Variants in HMCN1 observed in about 807,000 individuals in gnomAD.
The protein encoded by HMCN1 is hemicentin 1.
HMCN1 carries 321 observed loss-of-function variants against 625.9 expected under a neutral mutation model. The observed-to-expected ratio is 0.51, with a 90% CI of 0.47 to 0.56. HMCN1 has a LOEUF of 0.56. Among genes scored for constraint, HMCN1 ranks in the 20% least tolerant of loss-of-function variants. The pLI is 0.00. For synonymous variants in HMCN1, 2,425 were observed against 2,417.6 expected, an observed-to-expected ratio of 1.00 and a Z score of -0.09; for missense variants, 6,588 against 6,887.3, an observed-to-expected ratio of 0.96 and a Z score of 1.54.
At chr1:185,946,303 T>C (rs1048284836) in intron 11 of HMCN1, among the ~76,000 whole-genome samples, 24 of 152,158 alleles carry the variant, frequency 1.6e-4, no homozygotes, top group African/African-American at 5.8e-4. Flanking sequence ...TCTGGGACTT[T>C]TACGTATTTA....
intron 105 of HMCN1, among the ~76,000 whole-genome samples, chr1:186,183,895 G>T (rs1020950285): frequency 6.6e-6 from 1 of 152,070 alleles, no homozygotes; most frequent in African/African-American, 2.4e-5. Context: ...TCCTGAAGGA[G>T]TGGCGATGCC....
chr1:185,985,337 A>G (rs1252642633), intron 19 of HMCN1, among the ~76,000 whole-genome samples: 4 of 152,228 alleles, frequency 2.6e-5, no homozygotes, highest in Non-Finnish European at 5.9e-5. Flanking sequence ...CAAGAAGACC[A>G]GACCATAGAT....
chr1:186,165,201 T>C, intron 98 of HMCN1, 28 bp downstream of exon 98: 3 of 1,587,400 alleles, frequency 1.9e-6, no homozygotes, highest in Non-Finnish European at 1.7e-6. Flanking sequence ...TAAAGGGTTT[T>C]CTTTTAATGA....
intron 43 of HMCN1, 74 bp downstream of exon 43, chr1:186,053,148 G>A (rs930450129): frequency 7.1e-7 from 1 of 1,408,212 alleles, no homozygotes; most frequent in Non-Finnish European, 1.0e-6. Context: ...TAATAAATGT[G>A]TTAGATTATA....
At chr1:185,757,647 T>G (rs1247322758) in intron 1 of HMCN1, among the ~76,000 whole-genome samples, 1 of 152,012 alleles carries the variant, frequency 6.6e-6, no homozygotes, top group Non-Finnish European at 1.5e-5. Context: ...TAAATATATA[T>G]GCTTATTTAT....
intron 6 of HMCN1, among the ~76,000 whole-genome samples, chr1:185,914,719 AT>A (rs903339723): frequency 1.9e-4 from 29 of 150,982 alleles, no homozygotes; most frequent in Non-Finnish European, 3.4e-4. Context: ...ACTTTGTCAG[AT>A]TTTTTTTTCC....
At chr1:185,805,426 A>G (rs1262834822) in intron 1 of HMCN1, among the ~76,000 whole-genome samples, 1 of 152,186 alleles carries the variant, frequency 6.6e-6, no homozygotes, top group African/African-American at 2.4e-5. Flanking sequence ...TTGTCATTAC[A>G]TAATAACATT....
chr1:186,090,648 A>G (rs1450993743), intron 63 of HMCN1, 110 bp from the exon 64 acceptor site: 3 of 1,285,788 alleles, frequency 2.3e-6, no homozygotes, highest in African/African-American at 1.5e-5. Flanking sequence ...ACCTTGAACC[A>G]TAATCTACAA....
chr1:185,970,330 C>T lies in HMCN1; in HGVS notation c.2213-5C>T. ...TTTAATGTTCTCCCCTTTGTTTTGA[C>T]TTAGGAGATCTTGAGTTGAGGCCCT... On this transcript the variant is annotated splice_polypyrimidine_tract_variant and splice_region_variant and intron_variant, in intron 14 of 106. Transcript: ENST00000271588. 3 of 1,612,216 alleles carry T rather than the reference C, an allele frequency of 1.9e-6. No individual in the cohort carries two copies. The highest frequency in any genetic ancestry group is 2.5e-6 in the Non-Finnish European group (3 of 1,178,310).
intron 4 of HMCN1, among the ~76,000 whole-genome samples, chr1:185,888,983 C>A (rs890010267): frequency 6.8e-6 from 1 of 146,636 alleles, no homozygotes; most frequent in Non-Finnish European, 1.5e-5. Context: ...CTTTTATTTC[C>A]TTGAGCAGCG....
rs756468241 is a variant in HMCN1, at chr1:186,103,638, A to G, written c.10740A>G (p.Gly3580=). 5 of 1,613,772 alleles carry G rather than the reference A, an allele frequency of 3.1e-6. No homozygotes were observed. In the East Asian group the frequency reaches 1.1e-4, roughly 36 times the overall value. ...PQTDQVQTLG[G]GEVLRISTAQ... is the part of the protein sequence containing the mutation. ...CGGATCAAGTGCAAACTCTAGGAGG[A>G]GGAGAGGTTCTTCGAATTTCTACTG... The change falls in exon 69 of 107, where the codon GGA becomes GGG. Residue 3580 remains glycine, a synonymous_variant. Transcript: ENST00000271588.
chr1:185,878,472 T>C (rs1438414081), intron 4 of HMCN1, among the ~76,000 whole-genome samples: 1 of 152,214 alleles, frequency 6.6e-6, no homozygotes, highest in Non-Finnish European at 1.5e-5. Context: ...TTTTGTCAAA[T>C]GCTTTTTCTG....
chr1:186,090,128 T>C (rs981250037), intron 63 of HMCN1, among the ~76,000 whole-genome samples: 2 of 151,960 alleles, frequency 1.3e-5, no homozygotes, highest in South Asian at 4.1e-4. Context: ...AGAATAGGAA[T>C]TCAAACATGT....
rs1190065653 is a variant in HMCN1 at position 186,112,806 on chromosome 1, A to G, written c.10990-6A>G. On this transcript the variant is annotated splice_polypyrimidine_tract_variant and splice_region_variant and intron_variant, in intron 71 of 106. Transcript: ENST00000271588. Reference sequence around the variant, plus strand: ...AACGGCAAATTTCTTTACTTGCTGAATCCAGGCAACACCTCGAGTGCGAAT... The same window carrying G: ...AACGGCAAATTTCTTTACTTGCTGAGTCCAGGCAACACCTCGAGTGCGAAT... 1.2e-6 allele frequency: 2 copies of G among 1,613,986 alleles called. No individual in the cohort carries two copies. The highest frequency in any genetic ancestry group is 1.7e-6 in the Non-Finnish European group (2 of 1,179,986).
intron 40 of HMCN1, among the ~76,000 whole-genome samples, chr1:186,044,579 A>T (rs73064314): frequency 6.6e-6 from 1 of 152,176 alleles, no homozygotes; most frequent in Non-Finnish European, 1.5e-5. Context: ...CTGATAGACT[A>T]TAATAATATT....
At chr1:186,097,953 G>T (rs991575428) in intron 68 of HMCN1, among the ~76,000 whole-genome samples, 1 of 152,140 alleles carries the variant, frequency 6.6e-6, no homozygotes, top group African/African-American at 2.4e-5. Context: ...ACTGGGGAAA[G>T]GATAGTCTCT....
At chr1:185,968,535 G>A (rs896401823) in intron 14 of HMCN1, among the ~76,000 whole-genome samples, 14 of 150,378 alleles carry the variant, frequency 9.3e-5, no homozygotes, top group Admixed American at 7.3e-4. Flanking sequence ...AATTCACCAG[G>A]GTCCCCATTA....
At chr1:186,160,968 G>A in intron 97 of HMCN1, among the ~76,000 whole-genome samples, 1 of 151,758 alleles carries the variant, frequency 6.6e-6, no homozygotes, top group East Asian at 1.9e-4. Flanking sequence ...TCAATTCCTG[G>A]GTATCCTTGT....
rs1434260846 is a variant in HMCN1 at position 185,909,398 on chromosome 1, A to G, written c.683A>G (p.His228Arg). The G allele has an allele frequency of 2.5e-6, 4 of 1,612,522 alleles. No homozygotes were observed. The highest frequency in any genetic ancestry group is 3.4e-6 in the Non-Finnish European group (4 of 1,178,622). ...AAAGTTCACCTTTTATCCACAGATC[A>G]TTTGGAACAGGCTGTAAATACTTGG... is the stretch of plus-strand genomic sequence containing the variant. ...ASKVHLLSTD[H>R]LEQAVNTWRI... Residue 228 changes from histidine to arginine, a missense_variant, in exon 5 of 107, where the codon CAT becomes CGT. Transcript: ENST00000271588.
Sources: gnomAD v4.1 joint callset for allele counts (sites outside exome capture counted in the v4.1 genomes callset) on GRCh38, gnomAD v4.1.1 for gene constraint, MANE v1.5 for transcripts, NCBI Gene and HGNC (gene_info 2026-07-23, HGNC 2026-07-21) for gene names.